The following ELMO1 variants were observed in gnomAD, a reference collection of about 807,000 sequenced individuals.
ELMO1 encodes the protein engulfment and cell motility 1, also known as engulfment and cell motility protein 1.
ELMO1 carries 26 observed loss-of-function variants against 98.9 expected under a neutral mutation model. The observed-to-expected ratio is 0.26, with a 90% confidence interval of 0.19 to 0.36. The LOEUF (loss-of-function observed/expected upper bound fraction) is 0.36, where lower values mean the gene tolerates loss of function less well. Ranked by LOEUF, ELMO1 falls within the 10% of genes least tolerant of loss-of-function variation. The probability of loss-of-function intolerance (pLI) is 1.00; values close to 1 mark genes in which losing one functional copy is unlikely to be tolerated. For synonymous variants in ELMO1, 346 were observed against 346.0 expected (o/e 1.00, Z 0.00); for missense variants, 627 against 935.2 (o/e 0.67, Z 4.30).
chr7:37,402,651 T>A (rs1562668249), intron 1 of ELMO1, among the ~76,000 whole-genome samples: 1 of 152,196 alleles, frequency 6.6e-6, no homozygotes, highest in Non-Finnish European at 1.5e-5. Context: ...AGCCATCTGA[T>A]CCCTGACTTC....
intron 8 of ELMO1, among the ~76,000 whole-genome samples, chr7:37,227,409 G>A (rs957045034): frequency 6.6e-6 from 1 of 151,582 alleles, no homozygotes; most frequent in South Asian, 2.1e-4. Flanking sequence ...TTTTTGAGAC[G>A]GAATCTTGCT....
intron 16 of ELMO1, among the ~76,000 whole-genome samples, chr7:36,907,495 C>T (rs996433247): frequency 2.6e-5 from 4 of 152,194 alleles, no homozygotes; most frequent in African/African-American, 7.2e-5. Flanking sequence ...CCCAGAGTGC[C>T]CTGACTCTGC....
chr7:37,405,412 C>T (rs1194451234), intron 1 of ELMO1, among the ~76,000 whole-genome samples: 1 of 152,148 alleles, frequency 6.6e-6, no homozygotes, highest in Non-Finnish European at 1.5e-5. Context: ...AGTTATTCTT[C>T]CAAATCACGG....
chr7:37,332,794 G>A (rs745926533), intron 2 of ELMO1, among the ~76,000 whole-genome samples: 26 of 152,324 alleles, frequency 1.7e-4, no homozygotes, highest in South Asian at 1.2e-3. Flanking sequence ...CAGCAAGGAC[G>A]TCTGGATTCT....
intron 1 of ELMO1, among the ~76,000 whole-genome samples, chr7:37,388,111 C>G (rs1472254296): frequency 6.6e-6 from 1 of 152,084 alleles, no homozygotes; most frequent in Non-Finnish European, 1.5e-5. Flanking sequence ...GTGCAAGGAA[C>G]CCTTTAAACA....
At chr7:37,281,610 C>T (rs1797145522) in intron 4 of ELMO1, among the ~76,000 whole-genome samples, 1 of 152,168 alleles carries the variant, frequency 6.6e-6, no homozygotes, top group Admixed American at 6.5e-5. Flanking sequence ...CTGGGGATTT[C>T]CCTCCATAGC....
chr7:37,239,170 A>ATT lies in ELMO1; in HGVS notation c.449+5184_449+5185dup, dbSNP rs199908716. 7.4e-5 allele frequency among the ~76,000 whole-genome samples: 11 copies of ATT among 148,950 alleles called. No individual in the cohort carries two copies. The South Asian group carries it at 1.3e-3, about 17-fold the overall frequency. On this transcript the variant is annotated intron_variant, in intron 7 of 21. Coordinates refer to ENST00000310758, the MANE Select transcript of ELMO1 (RefSeq NM_014800.11). ...TGAAGGTTTTCGAGAAATGATTTCA[A>ATT]TTTTTTTTTTTCTGAGATGGAGTCT...
In ELMO1 at chr7:37,163,997, T is replaced by C. The variant is rs1220358969; in HGVS notation, c.1087-30763A>G. Among the ~76,000 whole-genome samples, 274 of 152,260 alleles carry C rather than the reference T, an allele frequency of 1.8e-3. 1 individual carries two copies. Among genetic ancestry groups the C allele is most frequent in the Non-Finnish European group, 2.6e-4 (18 of 68,006 alleles). On this transcript the variant is annotated intron_variant, in intron 13 of 21. Transcript: ENST00000310758. Reference sequence around the variant, plus strand: ...TATTTCTCCACATACTCTCCAGCACTTGTTGTTTCCTGACTTTTTAATGAT... The same window carrying C: ...TATTTCTCCACATACTCTCCAGCACCTGTTGTTTCCTGACTTTTTAATGAT...
At chr7:37,194,548 G>A (rs1408819925) in intron 13 of ELMO1, among the ~76,000 whole-genome samples, 1 of 152,080 alleles carries the variant, frequency 6.6e-6, no homozygotes, top group Non-Finnish European at 1.5e-5. Context: ...AGCTTTAACT[G>A]CATTATTTCT....
intron 15 of ELMO1, among the ~76,000 whole-genome samples, chr7:37,076,596 T>C (rs1797593911): frequency 6.6e-6 from 1 of 152,224 alleles, no homozygotes. Context: ...AATAGTTCAG[T>C]AAGTGTTATT....
At chr7:36,903,484 C>T (rs1473545196) in intron 16 of ELMO1, among the ~76,000 whole-genome samples, 2 of 152,314 alleles carry the variant, frequency 1.3e-5, no homozygotes, top group Non-Finnish European at 2.9e-5. Context: ...GAATAATGGG[C>T]TCATCAAATG....
chr7:37,145,913 G>C (rs769275691), intron 13 of ELMO1, among the ~76,000 whole-genome samples: 5 of 152,144 alleles, frequency 3.3e-5, no homozygotes, highest in Non-Finnish European at 7.4e-5. Context: ...AGGTCATCTA[G>C]GAACTCTGTC....
intron 16 of ELMO1, among the ~76,000 whole-genome samples, chr7:36,959,445 A>G (rs10273980): frequency 0.024 from 3,631 of 152,274 alleles, 148 homozygotes; most frequent in African/African-American, 0.083. Context: ...GGCTCATAAA[A>G]TAATACCCCA....
intron 1 of ELMO1, among the ~76,000 whole-genome samples, chr7:37,411,180 G>C (rs1347652008): frequency 2.0e-5 from 3 of 152,190 alleles, no homozygotes; most frequent in Non-Finnish European, 4.4e-5. Flanking sequence ...AAGTCCCACA[G>C]ATATTAATAC....
intron 17 of ELMO1, among the ~76,000 whole-genome samples, chr7:36,890,794 C>T (rs1334985883): frequency 6.6e-6 from 1 of 152,178 alleles, no homozygotes; most frequent in Non-Finnish European, 1.5e-5. Flanking sequence ...CACATCATTC[C>T]TTTGCTCAAA....
At chr7:37,097,607 A>AG (rs976984373) in intron 14 of ELMO1, among the ~76,000 whole-genome samples, 14 of 151,742 alleles carry the variant, frequency 9.2e-5, no homozygotes, top group African/African-American at 3.4e-4. Context: ...AGAGAGAAAG[A>AG]GAAAAAAAAA....
chr7:37,028,236 C>T (rs1794687380), intron 15 of ELMO1, among the ~76,000 whole-genome samples: 1 of 152,112 alleles, frequency 6.6e-6, no homozygotes, highest in African/African-American at 2.4e-5. Context: ...CGGTATTTTG[C>T]TGCTCACTGG....
chr7:37,173,887 C>T (rs1015265160), intron 13 of ELMO1, among the ~76,000 whole-genome samples: 3 of 152,164 alleles, frequency 2.0e-5, no homozygotes, highest in African/African-American at 7.2e-5. Context: ...GGTGGCTGCC[C>T]CAAGCCCCAG....
chr7:37,376,671 T>C (rs1802361712), intron 1 of ELMO1, among the ~76,000 whole-genome samples: 1 of 152,176 alleles, frequency 6.6e-6, no homozygotes, highest in African/African-American at 2.4e-5. Flanking sequence ...ACTCATTCCC[T>C]AGCCTCTTGA....
Sources: allele counts gnomAD v4.1 joint callset (sites outside exome capture counted in the v4.1 genomes callset), GRCh38; gene constraint gnomAD v4.1.1; transcripts MANE v1.5; gene names NCBI Gene and HGNC (gene_info 2026-07-23, HGNC 2026-07-21).